The following OAS3 variants were observed in gnomAD, a reference collection of about 807,000 sequenced individuals.
The protein encoded by OAS3 is 2'-5'-oligoadenylate synthetase 3, also known as 2'-5'-oligoadenylate synthase 3.
OAS3 carries 107 observed loss-of-function variants against 113.0 expected under a neutral mutation model. That is an observed-to-expected ratio of 0.95 (90% CI 0.81 to 1.11). The LOEUF is 1.11. Ranked by LOEUF, OAS3 falls within the 50% of genes most tolerant of loss-of-function variation. The probability of loss-of-function intolerance (pLI) is 0.00; values close to 1 mark genes in which losing one functional copy is unlikely to be tolerated. For synonymous variants in OAS3, 552 were observed against 573.6 expected (o/e 0.96, Z 0.54); for missense variants, 1,258 against 1,389.1 (o/e 0.91, Z 1.50).
In OAS3 at chr12:112,944,632, T is replaced by C. The variant is rs2043711344; in HGVS notation, c.617T>C (p.Val206Ala). Residue 206 changes from valine to alanine, a missense_variant, in exon 3 of 16, where the codon GTG becomes GCG. Transcript: ENST00000228928. The part of the protein sequence containing the change: ...PAKLKNLILL[V>A]KHWYHQVCLQ... ...AAGTTGAAGAACCTAATCTTGCTGG[T>C]GAAGCACTGGTACCACCAGGTGAAG... is the stretch of plus-strand genomic sequence containing the variant. 6.2e-7 allele frequency: 1 copy of C among 1,613,926 alleles called. No homozygotes were observed. The highest frequency in any genetic ancestry group is 1.1e-5 in the South Asian group (1 of 91,094).
chr12:112,965,946 G>T lies in OAS3; in HGVS notation c.2606G>T (p.Arg869Leu). ...KFEVSKWENP[R>L]VLSFSLTSQT... ...GAAGTCTCCAAATGGGAGAATCCCC[G>T]CGTGCTGAGCTTCTCACTGACATCC... Residue 869 changes from arginine to leucine, a missense_variant, in exon 12 of 16, where the codon CGC becomes CTC. Arg to Leu is a moderately radical substitution (Grantham distance 102). Transcript: ENST00000228928. 6 of 1,613,944 alleles carry T rather than the reference G, an allele frequency of 3.7e-6. No homozygotes were observed. The highest frequency in any genetic ancestry group is 5.1e-6 in the Non-Finnish European group (6 of 1,179,880).
chr12:112,961,062 C>T lies in OAS3; in HGVS notation c.1658-9C>T, dbSNP rs2043878699. ...AGTTGCACACTCAGGGTGTTTCAAA[C>T]TTCTACAGGGCAGCTCAGTTCTGGC... is the stretch of plus-strand genomic sequence containing the variant. On this transcript the variant is annotated splice_polypyrimidine_tract_variant and intron_variant, in intron 7 of 15. Coordinates refer to ENST00000228928, the MANE Select transcript of OAS3 (RefSeq NM_006187.4). The T allele has an allele frequency of 1.2e-6, 2 of 1,612,224 alleles. No homozygotes were observed. The highest frequency in any genetic ancestry group is 2.2e-5 in the East Asian group (1 of 44,858).
intron 14 of OAS3, among the ~76,000 whole-genome samples, chr12:112,968,459 G>A (rs1371315133): frequency 3.3e-5 from 5 of 152,132 alleles, no homozygotes; most frequent in South Asian, 2.1e-4. Context: ...ACATAATTAC[G>A]CTTAAAAATT....
At position 112,963,684 on chromosome 12, in the gene OAS3, C is replaced by A. The variant is rs375697005; in HGVS notation, c.2229+227C>A. ...CAAAAAGCCTAACTCTGTCTCCAGG[C>A]GGAACCGATTCTGTGATGCAACTCA... On this transcript the variant is annotated intron_variant, in intron 10 of 15. Coordinates refer to ENST00000228928, the MANE Select transcript of OAS3 (RefSeq NM_006187.4). The surrounding 1 kb of genome is among the most constrained non-coding windows in gnomAD (Gnocchi z 4.6). 6.6e-6 allele frequency among the ~76,000 whole-genome samples: 1 copy of A among 152,180 alleles called. No homozygotes were observed. Among genetic ancestry groups the A allele is most frequent in the Admixed American group, 6.5e-5 (1 of 15,288 alleles).
chr12:112,964,130 T>C (rs1008027954), intron 10 of OAS3, 105 bp from the exon 11 acceptor site: 2 of 1,159,312 alleles, frequency 1.7e-6, no homozygotes, highest in Middle Eastern at 2.9e-4. Context: ...AAGAGGGACA[T>C]GGGAGACAGT....
intron 7 of OAS3, 90 bp from the exon 8 acceptor site, chr12:112,960,981 A>G (rs1593182559): frequency 8.3e-7 from 1 of 1,209,500 alleles, no homozygotes; most frequent in East Asian, 2.5e-5. Context: ...TAATGTTAGA[A>G]TATTCATAAA....
At chr12:112,961,275 G>A (rs1182471848) in intron 8 of OAS3, 29 bp downstream of exon 8, 1 of 1,604,698 alleles carries the variant, frequency 6.2e-7, no homozygotes, top group Non-Finnish European at 8.5e-7. Context: ...CTCCCAGGAA[G>A]CCACCACTGT....
chr12:112,948,377 C>T (rs1053821754), intron 5 of OAS3, among the ~76,000 whole-genome samples: 17 of 151,682 alleles, frequency 1.1e-4, no homozygotes, highest in African/African-American at 2.9e-4. Context: ...GTGGTGGGTG[C>T]GTGTAATCTC....
At chr12:112,944,393 C>T (rs1006109435) in intron 2 of OAS3, 83 bp from the exon 3 acceptor site, 94 of 1,483,918 alleles carry the variant, frequency 6.3e-5, no homozygotes, top group Non-Finnish European at 8.4e-5. Flanking sequence ...CTCTCAGCGC[C>T]CCAGGCTGAG....
intron 2 of OAS3, among the ~76,000 whole-genome samples, chr12:112,942,921 A>G (rs1216613147): frequency 6.6e-6 from 1 of 151,654 alleles, no homozygotes. Flanking sequence ...GTACCCACAT[A>G]CTGGGTACAC....
At chr12:112,944,033 G>A (rs2043704557) in intron 2 of OAS3, among the ~76,000 whole-genome samples, 1 of 152,196 alleles carries the variant, frequency 6.6e-6, no homozygotes, top group African/African-American at 2.4e-5. Flanking sequence ...AAGGATCAGG[G>A]CTTTTTGCCT....
intron 3 of OAS3, chr12:112,944,867 T>C: frequency 3.4e-6 from 2 of 582,770 alleles, no homozygotes; most frequent in South Asian, 4.0e-5. Context: ...CCTTATTTAG[T>C]TAATATAATG....
chr12:112,950,351 G>C (rs1044351813), intron 6 of OAS3, among the ~76,000 whole-genome samples: 3 of 152,222 alleles, frequency 2.0e-5, no homozygotes, highest in African/African-American at 7.2e-5. Flanking sequence ...ATTTGCAACT[G>C]CTGGCCCAGA....
chr12:112,950,367 A>T (rs981221479), intron 6 of OAS3, among the ~76,000 whole-genome samples: 13 of 152,240 alleles, frequency 8.5e-5, no homozygotes, highest in Non-Finnish European at 1.5e-4. Context: ...CCAGATGTGC[A>T]GTCAGTAGAT....
At position 112,944,504 on chromosome 12, in the gene OAS3, G is replaced by A. The variant is rs200893612; in HGVS notation, c.489G>A (p.Lys163=). ...LGQAGSGVKP[K]PQVYSTLLNS... ...AGGCCGGCTCCGGCGTCAAACCCAA[G>A]CCACAAGTCTACTCTACCCTCCTCA... The change falls in exon 3 of 16, where the codon AAG becomes AAA. Residue 163 remains lysine, a synonymous_variant. Transcript: ENST00000228928. The A allele has an allele frequency of 5.5e-5, 88 of 1,614,050 alleles. No homozygotes were observed. In the East Asian group the frequency reaches 1.9e-3, roughly 34 times the overall value.
intron 7 of OAS3, among the ~76,000 whole-genome samples, chr12:112,951,839 CAAAAA>C (rs3038125): frequency 4.8e-3 from 508 of 105,692 alleles, no homozygotes; most frequent in South Asian, 8.4e-3. Flanking sequence ...ACTAAAAATA[CAAAAA>C]AAAAAAAAAA....
intron 7 of OAS3, among the ~76,000 whole-genome samples, chr12:112,957,678 G>A (rs563683751): frequency 6.6e-6 from 1 of 152,304 alleles, no homozygotes; most frequent in Non-Finnish European, 1.5e-5. Context: ...CTCTCTTCTG[G>A]CTTGTAGAGT....
Position 112,962,809 on chromosome 12 carries a change from A to C in OAS3, c.1991A>C (p.Gln664Pro), listed in dbSNP as rs1158297519. Reference protein sequence around the residue: ...GFRTVLGLVQQHQQLCVYWTV... With the variant: ...GFRTVLGLVQPHQQLCVYWTV... ...CGGACGGTGCTGGGGCTCGTGCAAC[A>C]GCATCAGCAGCTCTGTGTCTACTGG... is the stretch of plus-strand genomic sequence containing the variant. Residue 664 changes from glutamine (Q) to proline (P), a missense_variant, in exon 9 of 16, where the codon CAG (glutamine) becomes CCG (proline). Transcript: ENST00000228928. 1.2e-6 allele frequency: 2 copies of C among 1,613,940 alleles called. No individual in the cohort carries two copies. Among genetic ancestry groups the C allele is most frequent in the African/African-American group, 2.7e-5 (2 of 74,954 alleles).
intron 7 of OAS3, among the ~76,000 whole-genome samples, chr12:112,958,058 C>T (rs1228663796): frequency 6.6e-6 from 1 of 152,136 alleles, no homozygotes; most frequent in Admixed American, 6.6e-5. Context: ...TTTCTCTAAA[C>T]TTCTCTTCTC....
Sources: gnomAD v4.1 joint callset for allele counts (sites outside exome capture counted in the v4.1 genomes callset) on GRCh38, gnomAD v4.1.1 for gene constraint, Gnocchi (gnomAD v3.1) non-coding constraint, MANE v1.5 for transcripts, NCBI Gene and HGNC (gene_info 2026-07-23, HGNC 2026-07-21) for gene names.